The following NRP1 variants were observed in gnomAD, a reference collection of about 807,000 sequenced individuals.
The protein encoded by NRP1 is neuropilin-1.
NRP1 carries 35 observed loss-of-function variants against 106.7 expected under a neutral mutation model. That is an observed-to-expected ratio of 0.33 (90% CI 0.25 to 0.43). The LOEUF is 0.43. NRP1 is among the 20% of genes least tolerant of loss of function. The pLI, the probability that NRP1 is intolerant of heterozygous loss-of-function variation, is 1.00. For missense variants in NRP1, 1,024 were observed against 1,170.4 expected, an observed-to-expected ratio of 0.87 and a Z score of 1.83; for synonymous variants, 437 against 417.9, an observed-to-expected ratio of 1.05 and a Z score of -0.56.
At position 33,198,073 on chromosome 10, in the gene NRP1, C is replaced by T. The variant is rs868611623; in HGVS notation, c.1865-364G>A. ...CATTACTTCATAAACCTATTTTAGG[C>T]TTTTTTTTTTTTTTGGTGAGAACAC... On this transcript the variant is annotated intron_variant, in intron 11 of 16. Coordinates refer to ENST00000374867, the MANE Select transcript of NRP1 (RefSeq NM_003873.7). Among the ~76,000 whole-genome samples the T allele has an allele frequency of 2.6e-3, 324 of 125,864 alleles. 1 individual carries two copies. Among genetic ancestry groups the T allele is most frequent in the African/African-American group, 8.6e-3 (291 of 33,684 alleles). The allele number at this position is 125,864 out of a possible 152,430, so 82.6% of individuals were successfully genotyped here.
rs551113980 is a variant in NRP1, at chr10:33,193,490, G to A, written c.1925-1072C>T. ...GCAGCTGTTTTCTCCAGTGACGAAG[G>A]GCCTTTAGGCTTGTCACTGACTTTA... On this transcript the variant is annotated intron_variant, in intron 12 of 16. Transcript: ENST00000374867. Among the ~76,000 whole-genome samples, 15 of 152,280 alleles carry A rather than the reference G, an allele frequency of 9.9e-5. No individual in the cohort carries two copies. The South Asian group carries it at 2.9e-3, about 30-fold the overall frequency.
rs140521511 is a variant in NRP1 at position 33,315,947 on chromosome 10, G to A, written c.248+14761C>T. On this transcript the variant is annotated intron_variant, in intron 2 of 16. Transcript: ENST00000374867. ...ACTAGAAAGTGACCATTTTTGGCTA[G>A]AATAGATAAGGGAGCCACAGGGGAT... 7.9e-5 allele frequency among the ~76,000 whole-genome samples: 12 copies of A among 152,298 alleles called. No homozygotes were observed. The East Asian group carries it at 2.1e-3, about 27-fold the overall frequency.
intron 2 of NRP1, among the ~76,000 whole-genome samples, chr10:33,277,909 C>T (rs193129593): frequency 1.7e-3 from 264 of 152,012 alleles, no homozygotes; most frequent in Non-Finnish European, 2.7e-3. Context: ...CCAATTTGCT[C>T]TCTGTGTATT....
intron 10 of NRP1, among the ~76,000 whole-genome samples, chr10:33,203,976 A>C (rs1306046628): frequency 2.3e-5 from 2 of 85,686 alleles, no homozygotes. Flanking sequence ...TCCTGACCTC[A>C]TGATCCACCC....
chr10:33,220,568 A>G (rs1277957868), intron 8 of NRP1, among the ~76,000 whole-genome samples: 1 of 152,200 alleles, frequency 6.6e-6, no homozygotes, highest in Non-Finnish European at 1.5e-5. Context: ...TATGACTGCT[A>G]TATACTGCAG....
chr10:33,232,366 C>T (rs891184588), intron 6 of NRP1, among the ~76,000 whole-genome samples: 2 of 152,116 alleles, frequency 1.3e-5, no homozygotes, highest in African/African-American at 2.4e-5. Context: ...TATTTCACAG[C>T]TGCTTTATTT....
At chr10:33,302,348 C>G (rs1845860940) in intron 2 of NRP1, among the ~76,000 whole-genome samples, 1 of 152,200 alleles carries the variant, frequency 6.6e-6, no homozygotes, top group Non-Finnish European at 1.5e-5. Context: ...TGTTTGGCCC[C>G]TTTGCGTAAA....
At chr10:33,334,216 G>A (rs1229912487) in intron 1 of NRP1, 94 bp downstream of exon 1, 11 of 1,167,456 alleles carry the variant, frequency 9.4e-6, no homozygotes, top group East Asian at 2.6e-5. Flanking sequence ...GTTGTTCCCG[G>A]CTGATCCCGG....
At chr10:33,225,051 C>T (rs1160751458) in intron 7 of NRP1, among the ~76,000 whole-genome samples, 1 of 152,180 alleles carries the variant, frequency 6.6e-6, no homozygotes, top group Non-Finnish European at 1.5e-5. Context: ...TGAGCGTTGA[C>T]TAGGAAGGTT....
At chr10:33,194,422 A>T (rs919177601) in intron 12 of NRP1, 2 of 216,726 alleles carry the variant, frequency 9.2e-6, no homozygotes, top group Non-Finnish European at 9.5e-6. Context: ...TTTATAGAAC[A>T]GAAAATGACA....
chr10:33,247,694 C>A (rs1423310404), intron 6 of NRP1, among the ~76,000 whole-genome samples: 1 of 152,242 alleles, frequency 6.6e-6, no homozygotes, highest in Non-Finnish European at 1.5e-5. Context: ...GGCCAGAGAG[C>A]TTTGCAAGCC....
intron 12 of NRP1, among the ~76,000 whole-genome samples, chr10:33,196,651 C>T (rs1296880251): frequency 1.3e-5 from 2 of 152,156 alleles, no homozygotes; most frequent in African/African-American, 2.4e-5. Context: ...TCAACCTGAA[C>T]ATGCTACAGG....
chr10:33,323,231 A>G (rs535946009), intron 2 of NRP1, among the ~76,000 whole-genome samples: 1 of 100,344 alleles, frequency 1.0e-5, no homozygotes, highest in Admixed American at 1.2e-4. Context: ...AAATAAATAA[A>G]TATGTTTTTC....
At chr10:33,199,365 T>TTTTATATATATATATATATATATA (rs57582967) in intron 11 of NRP1, among the ~76,000 whole-genome samples, 1 of 64,268 alleles carries the variant, frequency 1.6e-5, no homozygotes, top group African/African-American at 5.1e-5. Flanking sequence ...CCTGGCTGTT[T>TTTTATATATATATATATATATATA]TCTATATATA....
intron 2 of NRP1, among the ~76,000 whole-genome samples, chr10:33,308,642 A>G (rs1846343693): frequency 6.6e-6 from 1 of 151,760 alleles, no homozygotes; most frequent in Non-Finnish European, 1.5e-5. Context: ...ATGCATCACT[A>G]TGTCCAGCTA....
At chr10:33,252,962 T>C (rs1400791340) in intron 6 of NRP1, among the ~76,000 whole-genome samples, 1 of 151,696 alleles carries the variant, frequency 6.6e-6, no homozygotes, top group Non-Finnish European at 1.5e-5. Context: ...GAAGCAGCAA[T>C]AGATGTGGAA....
chr10:33,186,167 T>C, intron 14 of NRP1, 50 bp downstream of exon 14: 1 of 1,529,080 alleles, frequency 6.5e-7, no homozygotes, highest in Non-Finnish European at 8.8e-7. Context: ...ACATATCATC[T>C]CAGCATTCCT....
chr10:33,270,590 G>A, intron 3 of NRP1, 85 bp downstream of exon 3: 1 of 1,203,762 alleles, frequency 8.3e-7, no homozygotes, highest in Admixed American at 2.5e-5. Context: ...GCCTCCCAAA[G>A]TGCTGAGATT....
At chr10:33,229,862 C>T (rs1220647760) in intron 6 of NRP1, among the ~76,000 whole-genome samples, 2 of 152,068 alleles carry the variant, frequency 1.3e-5, no homozygotes, top group East Asian at 3.9e-4. Context: ...TTGGCAACCT[C>T]CTCTTGTAAT....
Sources: allele counts gnomAD v4.1 joint callset (sites outside exome capture counted in the v4.1 genomes callset), GRCh38; gene constraint gnomAD v4.1.1; transcripts MANE v1.5; gene names NCBI Gene and HGNC (gene_info 2026-07-23, HGNC 2026-07-21).